The following PIK3CG variants were observed in gnomAD, a reference collection of about 807,000 sequenced individuals.
PIK3CG encodes phosphatidylinositol-4,5-bisphosphate 3-kinase catalytic subunit gamma.
Under a neutral mutation model 102.3 loss-of-function variants are expected in PIK3CG, and 55 were observed. The observed-to-expected ratio is 0.54, with a 90% CI of 0.43 to 0.67. The LOEUF (loss-of-function observed/expected upper bound fraction) is 0.67, where lower values mean the gene tolerates loss of function less well. PIK3CG is among the 30% of genes least tolerant of loss of function. The pLI is 0.00. For missense variants in PIK3CG, 1,258 were observed against 1,391.8 expected (o/e 0.90, Z 1.53); for synonymous variants, 552 against 540.0 (o/e 1.02, Z -0.31).
chr7:106,865,854 T>A (rs1790262104), intron 1 of PIK3CG: 1 of 152,234 alleles, frequency 6.6e-6, no homozygotes, highest in African/African-American at 2.4e-5. Context: ...TATTGCTGTG[T>A]ATTTATATGC....
intron 10 of PIK3CG, among the ~76,000 whole-genome samples, chr7:106,898,541 G>C (rs1256424031): frequency 1.3e-5 from 2 of 152,142 alleles, no homozygotes; most frequent in Non-Finnish European, 2.9e-5. Flanking sequence ...AATCCAACTT[G>C]AGTTGATGTT....
Position 106,894,227 on chromosome 7 carries a change from C to T in PIK3CG, c.3030+7935C>T, listed in dbSNP as rs1791343280. On this transcript the variant is annotated intron_variant, in intron 10 of 10. Transcript: ENST00000496166. This position sits in a 1 kb window ranked among gnomAD's most constrained non-coding sequence, Gnocchi z 4.4. ...AGTCCACCTTAAATCCTTTTTGGAA[C>T]AAGGCTGAAGGATAAATCACACACA... 6.6e-6 allele frequency among the ~76,000 whole-genome samples: 1 copy of T among 151,972 alleles called. No homozygotes were observed. The highest frequency in any genetic ancestry group is 1.5e-5 in the Non-Finnish European group (1 of 67,996).
intron 9 of PIK3CG, 51 bp from the exon 10 acceptor site, chr7:106,886,084 G>A (rs1332850220): frequency 2.6e-6 from 4 of 1,513,666 alleles, no homozygotes; most frequent in African/African-American, 2.8e-5. Context: ...ATATTTTAAG[G>A]AACAAAGTGC....
intron 5 of PIK3CG, among the ~76,000 whole-genome samples, chr7:106,878,777 CT>C (rs1562959498): frequency 6.6e-6 from 1 of 152,186 alleles, no homozygotes; most frequent in African/African-American, 2.4e-5. Context: ...CAAACTGGCC[CT>C]ATAGTAAAAG....
Position 106,884,700 on chromosome 7 carries a change from C to A in PIK3CG, c.2872+434C>A, listed in dbSNP as rs1477952982. ...TCATTCAAGAGCATTACGTTTATTG[C>A]ACACTTTTTTTTCAACTCACTTGCC... is the stretch of plus-strand genomic sequence containing the variant. On this transcript the variant is annotated intron_variant, in intron 9 of 10. Coordinates refer to ENST00000496166, the MANE Select transcript of PIK3CG (RefSeq NM_001282426.2). This position sits in a 1 kb window ranked among gnomAD's most constrained non-coding sequence, Gnocchi z 4.2. Among the ~76,000 whole-genome samples, 1 of 152,132 alleles carries A rather than the reference C, an allele frequency of 6.6e-6. No individual in the cohort carries two copies. Among genetic ancestry groups the A allele is most frequent in the Non-Finnish European group, 1.5e-5 (1 of 68,016 alleles).
At position 106,872,992 on chromosome 7, in the gene PIK3CG, G is replaced by A. The variant is rs1468378750; in HGVS notation, c.2287+54G>A. On this transcript the variant is annotated intron_variant, in intron 4 of 10. Transcript: ENST00000496166. This position sits in a 1 kb window ranked among gnomAD's most constrained non-coding sequence, Gnocchi z 5.3. ...TTTCCAAATGCCTTCATCTCCAAAT[G>A]CCATTGTTCCTATAATTCTTTTTCT... The A allele has an allele frequency of 1.6e-6, 2 of 1,228,372 alleles. No homozygotes were observed. Among genetic ancestry groups the A allele is most frequent in the Non-Finnish European group, 1.2e-6 (1 of 836,602 alleles). 76.1% of individuals were successfully genotyped at this position (1,228,372 alleles called of 1,614,324 possible).
Position 106,879,455 on chromosome 7 carries a change from G to C in PIK3CG, c.2392-64G>C, listed in dbSNP as rs1484092246. 7.8e-7 allele frequency: 1 copy of C among 1,286,982 alleles called. No individual in the cohort carries two copies. Among genetic ancestry groups the C allele is most frequent in the Non-Finnish European group, 1.1e-6 (1 of 889,096 alleles). 79.7% of individuals were successfully genotyped at this position (1,286,982 alleles called of 1,614,324 possible). A position where few individuals can be genotyped will look rare whatever the true frequency, so the allele number is the denominator to read the frequency against. ...ATAGTGATGTTTTGCAAGAGAATTT[G>C]TGTCTCCACCATGTATATTCGTTAT... On this transcript the variant is annotated intron_variant, in intron 5 of 10. Coordinates refer to ENST00000496166, the MANE Select transcript of PIK3CG (RefSeq NM_001282426.2). The surrounding 1 kb of genome is among the most constrained non-coding windows in gnomAD (Gnocchi z 4.9).
Position 106,884,189 on chromosome 7 carries a change from G to T in PIK3CG, c.2795G>T (p.Cys932Phe). 6.2e-7 allele frequency: 1 copy of T among 1,613,752 alleles called. No homozygotes were observed. Among genetic ancestry groups the T allele is most frequent in the Non-Finnish European group, 8.5e-7 (1 of 1,179,854 alleles). The change falls in exon 9 of 11, where the codon TGT becomes TTT. Residue 932 changes from cysteine (C) to phenylalanine (F), a missense_variant. Around this residue, in one of 2 missense-constraint regions of PIK3CG, gnomAD observed 426 missense variants for 604.2 expected, o/e 0.71. Transcript: ENST00000496166. This position sits in a 1 kb window ranked among gnomAD's most constrained non-coding sequence, Gnocchi z 4.2. ...GCAGTGGAGAGATTTGTTTATTCCTGTGCAGGCTACTGTGTGGCAACCTTT... is the reference window on the plus strand; with the variant it reads ...GCAGTGGAGAGATTTGTTTATTCCTTTGCAGGCTACTGTGTGGCAACCTTT... ...QAAVERFVYS[C>F]AGYCVATFVL...
chr7:106,866,864 A>G (rs1346229639), intron 1 of PIK3CG, among the ~76,000 whole-genome samples: 4 of 152,234 alleles, frequency 2.6e-5, no homozygotes, highest in Admixed American at 2.0e-4. Context: ...AAATGAAACC[A>G]AGAGGCAGGA....
rs1791664979 is a variant in PIK3CG at position 106,905,534 on chromosome 7, G to A, written c.*147G>A. On this transcript the variant is annotated 3_prime_UTR_variant, in exon 11 of 11. Transcript: ENST00000496166. This position sits in a 1 kb window ranked among gnomAD's most constrained non-coding sequence, Gnocchi z 5.6. Reference sequence around the variant, plus strand: ...CTTTTCCTACCTGAACTCTTCCCTGGAGAAAAGATGTTGGCATTGCTGATT... The same window carrying A: ...CTTTTCCTACCTGAACTCTTCCCTGAAGAAAAGATGTTGGCATTGCTGATT... 1.4e-6 allele frequency: 1 copy of A among 698,608 alleles called. No homozygotes were observed. Among genetic ancestry groups the A allele is most frequent in the East Asian group, 2.7e-5 (1 of 37,258 alleles). The allele number at this position is 698,608 out of a possible 1,614,324, so 43.3% of individuals were successfully genotyped here.
intron 4 of PIK3CG, among the ~76,000 whole-genome samples, chr7:106,873,571 A>G (rs1032212999): frequency 2.0e-5 from 3 of 152,164 alleles, no homozygotes; most frequent in Non-Finnish European, 4.4e-5. Context: ...GTATCTAGAG[A>G]TGATTTACAG....
intron 10 of PIK3CG, among the ~76,000 whole-genome samples, chr7:106,896,256 T>G (rs1791405046): frequency 6.6e-6 from 1 of 152,168 alleles, no homozygotes; most frequent in Non-Finnish European, 1.5e-5. Context: ...TGGATTGGTG[T>G]TATAATAACT....
chr7:106,902,268 G>A lies in PIK3CG; in HGVS notation c.3031-2841G>A, dbSNP rs1241495907. On this transcript the variant is annotated intron_variant, in intron 10 of 10. Coordinates refer to ENST00000496166, the MANE Select transcript of PIK3CG (RefSeq NM_001282426.2). The surrounding 1 kb of genome is among the most constrained non-coding windows in gnomAD (Gnocchi z 4.3). The stretch of plus-strand genomic sequence containing the variant: ...CTGTCTTGTGTCAAGCAATGCGGGG[G>A]GTGTGTGGGATGCACGGGAGACACA... Among the ~76,000 whole-genome samples, 1 of 152,044 alleles carries A rather than the reference G, an allele frequency of 6.6e-6. No homozygotes were observed. The highest frequency in any genetic ancestry group is 6.5e-5 in the Admixed American group (1 of 15,270).
rs1791446809 is a variant in PIK3CG, at chr7:106,897,825, A to G, written c.3031-7284A>G. Among the ~76,000 whole-genome samples the G allele has an allele frequency of 6.6e-6, 1 of 152,208 alleles. No homozygotes were observed. The highest frequency in any genetic ancestry group is 1.5e-5 in the Non-Finnish European group (1 of 68,048). On this transcript the variant is annotated intron_variant, in intron 10 of 10. Coordinates refer to ENST00000496166, the MANE Select transcript of PIK3CG (RefSeq NM_001282426.2). The surrounding 1 kb of genome is among the most constrained non-coding windows in gnomAD (Gnocchi z 4.6). ...ATTCTGTGTCTTTGCTATTGTGAAT[A>G]GTGCTGCAGTGAATATTTCTGTACA... is the stretch of plus-strand genomic sequence containing the variant.
At position 106,868,445 on chromosome 7, in the gene PIK3CG, A is replaced by T. The variant is rs148558253; in HGVS notation, c.884A>T (p.His295Leu). The T allele has an allele frequency of 6.2e-7, 1 of 1,614,234 alleles. No homozygotes were observed. Among genetic ancestry groups the T allele is most frequent in the South Asian group, 1.1e-5 (1 of 91,090 alleles). Residue 295 changes from histidine (H) to leucine (L), a missense_variant, in exon 2 of 11, where the codon CAC (histidine) becomes CTC (leucine). Transcript: ENST00000496166. This position sits in a 1 kb window ranked among gnomAD's most constrained non-coding sequence, Gnocchi z 6.2. Reference protein sequence around the residue: ...TPIKNFQWVRHCLKNGEEIHV... With the variant: ...TPIKNFQWVRLCLKNGEEIHV... Reference sequence around the variant, plus strand: ...ATCAAAAACTTCCAGTGGGTGAGGCACTGCCTCAAGAACGGAGAAGAGATT... The same window carrying T: ...ATCAAAAACTTCCAGTGGGTGAGGCTCTGCCTCAAGAACGGAGAAGAGATT...
rs952898553 is a variant in PIK3CG, at chr7:106,874,598, T to C, written c.2288-102T>C. The C allele has an allele frequency of 1.1e-5, 9 of 821,808 alleles. No homozygotes were observed. Among genetic ancestry groups the C allele is most frequent in the Middle Eastern group, 2.5e-4 (1 of 3,956 alleles). 50.9% of individuals were successfully genotyped at this position (821,808 alleles called of 1,614,324 possible). A position where few individuals can be genotyped will look rare whatever the true frequency, so the allele number is the denominator to read the frequency against. On this transcript the variant is annotated intron_variant, in intron 4 of 10. Transcript: ENST00000496166. This position sits in a 1 kb window ranked among gnomAD's most constrained non-coding sequence, Gnocchi z 4.3. ...TTCTCCTGCTCTACACCAGAACAAA[T>C]ATATAGAATGCTATGAATAAATGTG...
Position 106,877,730 on chromosome 7 carries a change from C to G in PIK3CG, c.2392-1789C>G, listed in dbSNP as rs1790799491. ...CACCTAGATTCTCTGTTCTGTTCCA[C>G]TGATCTAAATGTCTGTCCTTACATC... is the stretch of plus-strand genomic sequence containing the variant. On this transcript the variant is annotated intron_variant, in intron 5 of 10. Transcript: ENST00000496166. This position sits in a 1 kb window ranked among gnomAD's most constrained non-coding sequence, Gnocchi z 4.5. Among the ~76,000 whole-genome samples the G allele has an allele frequency of 6.6e-6, 1 of 152,204 alleles. No individual in the cohort carries two copies.
intron 10 of PIK3CG, among the ~76,000 whole-genome samples, chr7:106,898,329 G>T (rs897281232): frequency 6.6e-6 from 1 of 152,144 alleles, no homozygotes; most frequent in Admixed American, 6.5e-5. Context: ...TCTGTAGGTT[G>T]TCTGTTCACT....
Position 106,869,216 on chromosome 7 carries a change from G to A in PIK3CG, c.1655G>A (p.Arg552His), listed in dbSNP as rs1182076194. Reference sequence around the variant, plus strand: ...CGAGCAGAAATGCCCAACCAGCTTCGCAAGCAATTGGAGGCGATCATAGCC... The same window carrying A: ...CGAGCAGAAATGCCCAACCAGCTTCACAAGCAATTGGAGGCGATCATAGCC... The part of the protein sequence containing the change: ...RVRAEMPNQL[R>H]KQLEAIIATD... The change falls in exon 2 of 11, where the codon CGC becomes CAC. Residue 552 changes from arginine (R) to histidine (H), a missense_variant. By Grantham distance (29) the Arg-to-His change is conservative (BLOSUM62 0). Coordinates refer to ENST00000496166, the MANE Select transcript of PIK3CG (RefSeq NM_001282426.2). The surrounding 1 kb of genome is among the most constrained non-coding windows in gnomAD (Gnocchi z 5.3). 5 of 1,614,174 alleles carry A rather than the reference G, an allele frequency of 3.1e-6. No individual in the cohort carries two copies. The highest frequency in any genetic ancestry group is 4.5e-5 in the East Asian group (2 of 44,878).
Sources: allele counts gnomAD v4.1 joint callset (sites outside exome capture counted in the v4.1 genomes callset), GRCh38; gene constraint gnomAD v4.1.1; regional missense constraint gnomAD v4.1.1; non-coding constraint Gnocchi (gnomAD v3.1); transcripts MANE v1.5; gene names NCBI Gene and HGNC (gene_info 2026-07-23, HGNC 2026-07-21).